Variants in GNG7 observed in about 807,000 individuals in gnomAD.
The protein encoded by GNG7 is G protein subunit gamma 7, also known as guanine nucleotide-binding protein G(I)/G(S)/G(O) subunit gamma-7.
In GNG7, 1 loss-of-function variant was observed where a neutral mutation model predicts 4.0. The observed-to-expected ratio is 0.25, with a 90% CI of 0.09 to 1.18. GNG7 has a LOEUF of 1.18. Among genes scored for constraint, GNG7 ranks in the 50% most tolerant of loss-of-function variants. GNG7 has a pLI of 0.50. For missense variants in GNG7, 86 were observed against 91.9 expected, an observed-to-expected ratio of 0.94 and a Z score of 0.26; for synonymous variants, 34 against 36.9, an observed-to-expected ratio of 0.92 and a Z score of 0.29.
chr19:2,578,815 TAGGGAAACCGATGCTAA>T (rs556402006), intron 2 of GNG7, among the ~76,000 whole-genome samples: 1 of 151,996 alleles, frequency 6.6e-6, no homozygotes, highest in African/African-American at 2.4e-5. Context: ...CATGCACAAG[TAGGGAAACCGATGCTAA>T]AGGATTTTAA....
At chr19:2,568,095 ACACTTACACACATG>A (rs1979979513) in intron 2 of GNG7, among the ~76,000 whole-genome samples, 1 of 151,698 alleles carries the variant, frequency 6.6e-6, no homozygotes. Flanking sequence ...GCACACACAC[ACACTTACACACATG>A]CACATACACA....
At chr19:2,681,043 C>A (rs371500302) in intron 1 of GNG7, among the ~76,000 whole-genome samples, 5 of 152,058 alleles carry the variant, frequency 3.3e-5, no homozygotes, top group Admixed American at 2.6e-4. Context: ...AGGACTGACG[C>A]GGAGCATGTT....
chr19:2,568,608 C>A (rs897360698), intron 2 of GNG7, among the ~76,000 whole-genome samples: 1 of 151,836 alleles, frequency 6.6e-6, no homozygotes, highest in African/African-American at 2.4e-5. Context: ...TAGACATACA[C>A]ACATATATAC....
chr19:2,657,351 AAAAAAAAAAAATATATATATATATATAT>A lies in GNG7; in HGVS notation c.-134-11099_-134-11072del, dbSNP rs1205389364. The stretch of plus-strand genomic sequence containing the variant: ...CCCGTCTCAATTAAAAAAAAAAAAA[AAAAAAAAAAAATATATATATATATATAT>A]ATATATATATATATATATATACACA... On this transcript the variant is annotated intron_variant, in intron 1 of 4. Coordinates refer to ENST00000382159, the MANE Select transcript of GNG7 (RefSeq NM_052847.3). Among the ~76,000 whole-genome samples, 11 of 21,860 alleles carry A rather than the reference AAAAAAAAAAAATATATATATATATATAT, an allele frequency of 5.0e-4. 1 individual carries two copies. The highest frequency in any genetic ancestry group is 4.3e-3 in the East Asian group (1 of 234). 14.3% of individuals were successfully genotyped at this position (21,860 alleles called of 152,430 possible).
chr19:2,574,209 G>A (rs145631680), intron 2 of GNG7, among the ~76,000 whole-genome samples: 13 of 152,346 alleles, frequency 8.5e-5, no homozygotes, highest in African/African-American at 1.4e-4. Flanking sequence ...CGGTGAGGCC[G>A]CGGGAACACG....
chr19:2,558,043 G>A (rs1979620524), intron 2 of GNG7, among the ~76,000 whole-genome samples: 1 of 151,850 alleles, frequency 6.6e-6, no homozygotes, highest in Non-Finnish European at 1.5e-5. Context: ...GGGTTTCACC[G>A]TGTTAGCCAG....
chr19:2,602,616 C>T (rs556410673), intron 2 of GNG7, among the ~76,000 whole-genome samples: 2 of 152,380 alleles, frequency 1.3e-5, no homozygotes, highest in East Asian at 1.9e-4. Context: ...CCCCGGAGCA[C>T]GAACCACTAC....
chr19:2,520,816 C>A, intron 3 of GNG7, 91 bp from the exon 4 acceptor site: 1 of 621,004 alleles, frequency 1.6e-6, no homozygotes, highest in Non-Finnish European at 2.9e-6. Flanking sequence ...ACCTTCCCGA[C>A]TCTAGGCACG....
intron 2 of GNG7, among the ~76,000 whole-genome samples, chr19:2,631,253 G>A (rs1245860857): frequency 6.6e-6 from 1 of 152,202 alleles, no homozygotes; most frequent in African/African-American, 2.4e-5. Flanking sequence ...CACAGAGCCA[G>A]TAGGTGGCAG....
intron 2 of GNG7, among the ~76,000 whole-genome samples, chr19:2,615,728 G>A (rs1981706795): frequency 6.6e-6 from 1 of 152,130 alleles, no homozygotes; most frequent in African/African-American, 2.4e-5. Flanking sequence ...CTCCCAAAGT[G>A]CTGGGATTAC....
At chr19:2,551,180 G>A (rs1179091002) in intron 3 of GNG7, among the ~76,000 whole-genome samples, 2 of 152,322 alleles carry the variant, frequency 1.3e-5, no homozygotes, top group East Asian at 3.9e-4. Context: ...GGGGCTCAGG[G>A]CAGGCTCCAG....
At position 2,647,159 on chromosome 19, in the gene GNG7, A is replaced by C. The variant is rs182283019; in HGVS notation, c.-134-879T>G. On this transcript the variant is annotated intron_variant, in intron 1 of 4. Coordinates refer to ENST00000382159, the MANE Select transcript of GNG7 (RefSeq NM_052847.3). ...GCTCCAGGGCCAAAGCTGTTCCTGC[A>C]AACACCGTGGTTTATATGAAATCCT... 5.4e-3 allele frequency among the ~76,000 whole-genome samples: 824 copies of C among 152,334 alleles called. 1 individual carries two copies. Among genetic ancestry groups the C allele is most frequent in the Non-Finnish European group, 7.6e-3 (519 of 68,026 alleles).
chr19:2,666,079 T>C (rs765796200), intron 1 of GNG7, among the ~76,000 whole-genome samples: 4 of 152,196 alleles, frequency 2.6e-5, no homozygotes, highest in Non-Finnish European at 5.9e-5. Flanking sequence ...TTGGTCAGGC[T>C]GGTCTCGAAC....
At chr19:2,644,382 A>AAAAG (rs55936286) in intron 2 of GNG7, among the ~76,000 whole-genome samples, 1 of 109,160 alleles carries the variant, frequency 9.2e-6, no homozygotes, top group Non-Finnish European at 1.8e-5. Context: ...TATATATATA[A>AAAAG]TGCTCTATCT....
At position 2,680,211 on chromosome 19, in the gene GNG7, G is replaced by A. The variant is rs372261087; in HGVS notation, c.-135+22435C>T. ...TGCCCAGGCTGGAGTGCAGTTGTGC[G>A]ATCTCGGCTCACCACAACCTCCACC... On this transcript the variant is annotated intron_variant, in intron 1 of 4. Coordinates refer to ENST00000382159, the MANE Select transcript of GNG7 (RefSeq NM_052847.3). Among the ~76,000 whole-genome samples the A allele has an allele frequency of 6.8e-4, 100 of 147,844 alleles. 2 individuals are homozygous for A. In the East Asian group the frequency reaches 0.016, roughly 23 times the overall value.
Position 2,512,097 on chromosome 19 carries a change from G to C in GNG7, c.*2925C>G. 1.0e-6 allele frequency: 1 copy of C among 985,900 alleles called. No homozygotes were observed. Among genetic ancestry groups the C allele is most frequent in the Non-Finnish European group, 1.2e-6 (1 of 829,952 alleles). The allele number at this position is 985,900 out of a possible 1,614,324, so 61.1% of individuals were successfully genotyped here. ...CTGCCTTGTGTGTGTGCGTGGGTGGGGGTGAGTGTCCTTAACTCTCTTTTC... is the reference window on the plus strand; with the variant it reads ...CTGCCTTGTGTGTGTGCGTGGGTGGCGGTGAGTGTCCTTAACTCTCTTTTC... On this transcript the variant is annotated 3_prime_UTR_variant, in exon 5 of 5. Transcript: ENST00000382159. The surrounding 1 kb of genome is among the most constrained non-coding windows in gnomAD (Gnocchi z 4.7).
chr19:2,553,987 T>TATATA (rs79772555), intron 3 of GNG7, among the ~76,000 whole-genome samples: 113,246 of 142,068 alleles, frequency 0.8, 45,474 homozygotes, highest in African/African-American at 0.88. Flanking sequence ...TTATATGTAA[T>TATATA]ATATATTACA....
chr19:2,598,145 G>GACTCTACGCTGCATGCTTGTT (rs1981081837), intron 2 of GNG7, among the ~76,000 whole-genome samples: 1 of 152,062 alleles, frequency 6.6e-6, no homozygotes, highest in African/African-American at 2.4e-5. Context: ...CTCTCACGGC[G>GACTCTACGCTGCATGCTTGTT]ACTCTACGCT....
intron 3 of GNG7, among the ~76,000 whole-genome samples, chr19:2,540,545 G>T (rs938958068): frequency 2.0e-5 from 3 of 152,220 alleles, no homozygotes; most frequent in African/African-American, 7.2e-5. Flanking sequence ...TCGGGGGTGG[G>T]TGGGCTGAAT....
Sources: gnomAD v4.1 joint callset for allele counts (sites outside exome capture counted in the v4.1 genomes callset) on GRCh38, gnomAD v4.1.1 for gene constraint, Gnocchi (gnomAD v3.1) non-coding constraint, MANE v1.5 for transcripts, NCBI Gene and HGNC (gene_info 2026-07-23, HGNC 2026-07-21) for gene names.